The following TRABD2B variants were observed in gnomAD, a reference collection of about 807,000 sequenced individuals.
TRABD2B encodes the protein TraB domain containing 2B.
In TRABD2B, 14 loss-of-function variants were observed where a neutral mutation model predicts 40.1. The observed-to-expected ratio is 0.35, with a 90% CI of 0.23 to 0.55. The LOEUF (loss-of-function observed/expected upper bound fraction) is 0.55, where lower values mean the gene tolerates loss of function less well. TRABD2B is among the 20% of genes least tolerant of loss of function. The pLI is 0.90. For missense variants in TRABD2B, 541 were observed against 648.6 expected (o/e 0.83, Z 1.80); for synonymous variants, 263 against 277.0 (o/e 0.95, Z 0.50).
chr1:47,895,035 C>T (rs569667180), intron 2 of TRABD2B, among the ~76,000 whole-genome samples: 18 of 152,268 alleles, frequency 1.2e-4, no homozygotes, highest in African/African-American at 3.4e-4. Flanking sequence ...GATCTAAAAA[C>T]GCATCTCAAA....
intron 2 of TRABD2B, among the ~76,000 whole-genome samples, chr1:47,854,774 T>C (rs1329766572): frequency 6.6e-6 from 1 of 152,228 alleles, no homozygotes; most frequent in Non-Finnish European, 1.5e-5. Context: ...GCCCCTGAGC[T>C]TGTTTGCATT....
At chr1:47,905,674 G>C (rs542157134) in intron 2 of TRABD2B, among the ~76,000 whole-genome samples, 1 of 152,040 alleles carries the variant, frequency 6.6e-6, no homozygotes, top group Non-Finnish European at 1.5e-5. Flanking sequence ...TTCTCTCTCT[G>C]TATGTCTATC....
At chr1:47,822,091 G>T (rs764782746) in intron 2 of TRABD2B, among the ~76,000 whole-genome samples, 1 of 151,970 alleles carries the variant, frequency 6.6e-6, no homozygotes, top group Non-Finnish European at 1.5e-5. Flanking sequence ...ACAAAGGTAC[G>T]TTTCATGTAC....
chr1:47,990,768 GTTTTATATATATATATAT>G (rs1483268948), intron 2 of TRABD2B, among the ~76,000 whole-genome samples: 14 of 44,938 alleles, frequency 3.1e-4, no homozygotes, highest in Admixed American at 1.2e-3. Flanking sequence ...TAAAACGTTG[GTTTTATATATATATATAT>G]ATATATATAT....
chr1:47,837,660 G>T (rs1329653777), intron 2 of TRABD2B, among the ~76,000 whole-genome samples: 3 of 152,186 alleles, frequency 2.0e-5, no homozygotes, highest in Non-Finnish European at 2.9e-5. Flanking sequence ...TCTGAAGAAT[G>T]CACATTCCAT....
intron 4 of TRABD2B, among the ~76,000 whole-genome samples, chr1:47,785,742 G>T (rs544408645): frequency 6.2e-4 from 95 of 152,334 alleles, no homozygotes; most frequent in African/African-American, 2.2e-3. Context: ...ACTGCAGGAG[G>T]CAGTGCTCAG....
In TRABD2B at chr1:47,795,529, C is replaced by T. The variant is rs113685447; in HGVS notation, c.814-769G>A. On this transcript the variant is annotated intron_variant, in intron 3 of 6. Transcript: ENST00000606738. ...GAAGGCCACTGAGTACAAGAGTAGG[C>T]TCACCCCCTGTTCTGATGCTGCGTG... 1.4e-3 allele frequency: 517 copies of T among 381,738 alleles called. 8 individuals carry two copies. The highest frequency in any genetic ancestry group is 8.6e-3 in the African/African-American group (391 of 45,598). 23.6% of individuals were successfully genotyped at this position (381,738 alleles called of 1,614,324 possible).
At chr1:47,802,549 G>C (rs61785562) in intron 2 of TRABD2B, among the ~76,000 whole-genome samples, 1 of 152,184 alleles carries the variant, frequency 6.6e-6, no homozygotes, top group African/African-American at 2.4e-5. Context: ...ATTTAACACA[G>C]ATAAAGAGAA....
intron 4 of TRABD2B, among the ~76,000 whole-genome samples, chr1:47,793,448 T>A (rs563831772): frequency 3.3e-5 from 5 of 152,316 alleles, no homozygotes; most frequent in Admixed American, 2.0e-4. Context: ...TAAGGATGAA[T>A]GTTCAAACAG....
At chr1:47,811,953 A>G (rs940286308) in intron 2 of TRABD2B, among the ~76,000 whole-genome samples, 1 of 152,192 alleles carries the variant, frequency 6.6e-6, no homozygotes, top group Non-Finnish European at 1.5e-5. Context: ...TTACATGTGG[A>G]GGCTCATTTA....
intron 2 of TRABD2B, among the ~76,000 whole-genome samples, chr1:47,834,039 C>T (rs1296215485): frequency 6.6e-6 from 1 of 152,172 alleles, no homozygotes; most frequent in Non-Finnish European, 1.5e-5. Context: ...CCAGTGAAAA[C>T]CAGCAGCCTG....
chr1:47,936,747 C>T (rs1645111443), intron 2 of TRABD2B, among the ~76,000 whole-genome samples: 1 of 152,174 alleles, frequency 6.6e-6, no homozygotes, highest in South Asian at 2.1e-4. Flanking sequence ...CTTCAGTTTT[C>T]TCATCTGTAG....
chr1:47,960,168 C>T (rs528474453), intron 2 of TRABD2B, among the ~76,000 whole-genome samples: 24 of 152,202 alleles, frequency 1.6e-4, no homozygotes, highest in South Asian at 1.2e-3. Context: ...GCAACAGCCC[C>T]TCATGCTAAA....
chr1:47,926,490 A>C (rs4124648), intron 2 of TRABD2B, among the ~76,000 whole-genome samples: 3 of 152,238 alleles, frequency 2.0e-5, no homozygotes, highest in Middle Eastern at 3.4e-3. Flanking sequence ...TGATCTGCCA[A>C]GGCTCTCCCA....
intron 2 of TRABD2B, among the ~76,000 whole-genome samples, chr1:47,833,978 C>T (rs1645284205): frequency 6.6e-6 from 1 of 152,200 alleles, no homozygotes; most frequent in Admixed American, 6.5e-5. Flanking sequence ...TTAACTTGCC[C>T]TATTACCCAT....
chr1:47,993,515 C>A (rs303911), intron 2 of TRABD2B, among the ~76,000 whole-genome samples: 1 of 152,102 alleles, frequency 6.6e-6, no homozygotes, highest in East Asian at 1.9e-4. Context: ...TGCACAGAGC[C>A]GGGAAACTGA....
chr1:47,767,505 C>T (rs1193707549), intron 6 of TRABD2B, among the ~76,000 whole-genome samples: 1 of 152,210 alleles, frequency 6.6e-6, no homozygotes, highest in Non-Finnish European at 1.5e-5. Context: ...AACCTTTGGA[C>T]CTCATGACAA....
intron 2 of TRABD2B, among the ~76,000 whole-genome samples, chr1:47,853,396 G>T (rs938377789): frequency 4.6e-5 from 7 of 152,098 alleles, no homozygotes; most frequent in African/African-American, 9.7e-5. Context: ...CCACTGCCCA[G>T]AATCTTTTCC....
chr1:47,984,999 G>A (rs1167088950), intron 2 of TRABD2B, among the ~76,000 whole-genome samples: 2 of 152,238 alleles, frequency 1.3e-5, no homozygotes, highest in Admixed American at 1.3e-4. Flanking sequence ...ATTTGAAAAT[G>A]AAGTAATAAC....
Sources: gnomAD v4.1 joint callset for allele counts (sites outside exome capture counted in the v4.1 genomes callset) on GRCh38, gnomAD v4.1.1 for gene constraint, MANE v1.5 for transcripts, NCBI Gene and HGNC (gene_info 2026-07-23, HGNC 2026-07-21) for gene names.